Variants in DLC1 observed in about 807,000 individuals in gnomAD.
The protein encoded by DLC1 is DLC1 Rho GTPase activating protein.
Under a neutral mutation model 140.3 loss-of-function variants are expected in DLC1, and 54 were observed. That is an observed-to-expected ratio of 0.38 (90% confidence interval 0.31 to 0.48). The LOEUF (loss-of-function observed/expected upper bound fraction) is 0.48. Ranked by LOEUF, DLC1 falls within the 20% of genes least tolerant of loss-of-function variation. The pLI, the probability that DLC1 is intolerant of heterozygous loss-of-function variation, is 0.96. For synonymous variants in DLC1, 986 were observed against 728.1 expected (o/e 1.35, Z -5.70); for missense variants, 2,536 against 1,907.0 (o/e 1.33, Z -6.14).
chr8:13,574,114 C>T (rs759777815), intron 1 of DLC1, among the ~76,000 whole-genome samples: 13 of 152,100 alleles, frequency 8.5e-5, no homozygotes, highest in African/African-American at 3.1e-4. Context: ...TTCTGAGTAG[C>T]TGTTTTCTGT....
rs1563596074 is a variant in DLC1 at position 13,100,429 on chromosome 8, A to AGAG, written c.1905_1907dup (p.Ser636dup). 1 of 1,614,112 alleles carries AGAG rather than the reference A, an allele frequency of 6.2e-7. No individual in the cohort carries two copies. Among genetic ancestry groups the AGAG allele is most frequent in the South Asian group, 1.1e-5 (1 of 91,082 alleles). On this transcript the variant is annotated inframe_insertion, in exon 9 of 18. Coordinates refer to ENST00000276297, the MANE Select transcript of DLC1 (RefSeq NM_182643.3). ...CCTTGGGAGAGGGCAGGCTGCCGAA[A>AGAG]GAGTCGTCATTGCCTGCCAAGTTGC...
At chr8:13,134,378 G>A (rs931699941) in intron 5 of DLC1, among the ~76,000 whole-genome samples, 1 of 152,162 alleles carries the variant, frequency 6.6e-6, no homozygotes, top group Non-Finnish European at 1.5e-5. Flanking sequence ...AGATACAGAA[G>A]TGAGCAAAAG....
At chr8:13,343,922 T>G (rs1834193050) in intron 4 of DLC1, among the ~76,000 whole-genome samples, 1 of 152,154 alleles carries the variant, frequency 6.6e-6, no homozygotes, top group Non-Finnish European at 1.5e-5. Context: ...TTTGAAATAC[T>G]TAGTTGCTTA....
chr8:13,129,033 C>CA (rs1163446380), intron 5 of DLC1, among the ~76,000 whole-genome samples: 1 of 152,138 alleles, frequency 6.6e-6, no homozygotes, highest in African/African-American at 2.4e-5. Context: ...TCCCTAATAA[C>CA]ACAAGGTCCC....
At chr8:13,409,401 C>G (rs1048595932) in intron 2 of DLC1, among the ~76,000 whole-genome samples, 1 of 152,140 alleles carries the variant, frequency 6.6e-6, no homozygotes, top group African/African-American at 2.4e-5. Flanking sequence ...TCCTCTCCCT[C>G]ATTTGCAATT....
intron 1 of DLC1, among the ~76,000 whole-genome samples, chr8:13,509,170 G>A (rs971012992): frequency 6.6e-6 from 1 of 152,194 alleles, no homozygotes; most frequent in Non-Finnish European, 1.5e-5. Flanking sequence ...TTTGCTTTAA[G>A]TGGTCACTTT....
intron 2 of DLC1, among the ~76,000 whole-genome samples, chr8:13,472,860 C>G (rs868814108): frequency 6.6e-6 from 1 of 152,184 alleles, no homozygotes; most frequent in East Asian, 1.9e-4. Context: ...TTTCTTTCTT[C>G]TTCCTCTTTA....
chr8:13,245,224 C>T (rs998136927), intron 5 of DLC1, among the ~76,000 whole-genome samples: 12 of 152,150 alleles, frequency 7.9e-5, no homozygotes, highest in African/African-American at 1.7e-4. Flanking sequence ...GTAGGTGCTC[C>T]GTTGAGGCCC....
At chr8:13,382,111 A>G (rs1836288886) in intron 4 of DLC1, among the ~76,000 whole-genome samples, 1 of 152,154 alleles carries the variant, frequency 6.6e-6, no homozygotes, top group Non-Finnish European at 1.5e-5. Context: ...TGTGTGTGGT[A>G]ATGTAGAAAG....
chr8:13,462,770 A>T (rs550790659), intron 2 of DLC1, among the ~76,000 whole-genome samples: 2 of 152,174 alleles, frequency 1.3e-5, no homozygotes, highest in Non-Finnish European at 2.9e-5. Flanking sequence ...ATCTAAGTTA[A>T]ACAGCTTTTG....
At chr8:13,199,191 T>C (rs1055422955) in intron 5 of DLC1, among the ~76,000 whole-genome samples, 125 of 145,254 alleles carry the variant, frequency 8.6e-4, no homozygotes, top group African/African-American at 2.6e-3. Context: ...TTTTTTTTTT[T>C]TTTTTTTTTT....
chr8:13,178,463 T>G (rs974713830), intron 5 of DLC1, among the ~76,000 whole-genome samples: 2 of 151,008 alleles, frequency 1.3e-5, no homozygotes, highest in Non-Finnish European at 2.9e-5. Context: ...TTCCACCTAC[T>G]CAGGAGGCTG....
At chr8:13,496,089 T>G (rs1323397695) in intron 2 of DLC1, among the ~76,000 whole-genome samples, 4 of 152,184 alleles carry the variant, frequency 2.6e-5, no homozygotes, top group Admixed American at 1.3e-4. Context: ...TATAGACAAT[T>G]AGCAAACTCT....
chr8:13,225,529 A>C (rs1026075630), intron 5 of DLC1, among the ~76,000 whole-genome samples: 1 of 152,216 alleles, frequency 6.6e-6, no homozygotes, highest in Non-Finnish European at 1.5e-5. Flanking sequence ...CATTTTGGCA[A>C]AACAGCAGAG....
intron 1 of DLC1, among the ~76,000 whole-genome samples, chr8:13,508,709 C>T (rs1358392826): frequency 6.6e-6 from 1 of 152,124 alleles, no homozygotes; most frequent in Non-Finnish European, 1.5e-5. Context: ...TGAGCCACCA[C>T]GCCCGGCCAG....
chr8:13,536,850 C>G (rs960770142), intron 1 of DLC1, among the ~76,000 whole-genome samples: 2 of 152,192 alleles, frequency 1.3e-5, no homozygotes, highest in South Asian at 2.1e-4. Context: ...CTATGAAGTA[C>G]CAGGCCATCT....
chr8:13,305,189 A>C (rs1348239484), intron 5 of DLC1, 80 bp downstream of exon 5: 3 of 1,556,704 alleles, frequency 1.9e-6, no homozygotes, highest in East Asian at 4.7e-5. Flanking sequence ...CATTTTATAT[A>C]TTTAATAAAA....
intron 2 of DLC1, among the ~76,000 whole-genome samples, chr8:13,450,100 AAAAT>A (rs1304940572): frequency 6.6e-6 from 1 of 152,156 alleles, no homozygotes; most frequent in African/African-American, 2.4e-5. Context: ...CAAATTAAGT[AAAAT>A]AAATCATTAT....
At chr8:13,454,386 A>T (rs369566) in intron 2 of DLC1, among the ~76,000 whole-genome samples, 3 of 152,046 alleles carry the variant, frequency 2.0e-5, no homozygotes, top group African/African-American at 7.2e-5. Flanking sequence ...TATATAAAAC[A>T]TATTCACAAA....
Sources: allele counts gnomAD v4.1 joint callset (sites outside exome capture counted in the v4.1 genomes callset), GRCh38; gene constraint gnomAD v4.1.1; transcripts MANE v1.5; gene names NCBI Gene and HGNC (gene_info 2026-07-23, HGNC 2026-07-21).